PRKAA2: variants seen among roughly 807,000 people sequenced by gnomAD.
PRKAA2 encodes 5'-AMP-activated protein kinase catalytic subunit alpha-2.
In PRKAA2, 40 loss-of-function variants were observed where a neutral mutation model predicts 56.3. The observed-to-expected ratio is 0.71, with a 90% CI of 0.55 to 0.92. The LOEUF (loss-of-function observed/expected upper bound fraction) is 0.92, where lower values mean the gene tolerates loss of function less well. Ranked by LOEUF, PRKAA2 falls within the 40% of genes least tolerant of loss-of-function variation. The probability of loss-of-function intolerance (pLI) is 0.00; values close to 1 mark genes in which losing one functional copy is unlikely to be tolerated. For missense variants in PRKAA2, 542 were observed against 686.9 expected (o/e 0.79, Z 2.36); for synonymous variants, 214 against 234.2 (o/e 0.91, Z 0.79).
intron 1 of PRKAA2, among the ~76,000 whole-genome samples, chr1:56,650,606 A>G (rs913617813): frequency 6.6e-6 from 1 of 152,234 alleles, no homozygotes; most frequent in Non-Finnish European, 1.5e-5. Flanking sequence ...TGCATTTTCA[A>G]GATGAGTAGT....
At chr1:56,681,849 G>GAAA (rs1644157499) in intron 2 of PRKAA2, among the ~76,000 whole-genome samples, 1 of 151,896 alleles carries the variant, frequency 6.6e-6, no homozygotes, top group Non-Finnish European at 1.5e-5. Flanking sequence ...GCTCTTTTTT[G>GAAA]GTTCCATATG....
At chr1:56,707,417 G>A (rs903425798) in intron 8 of PRKAA2, 58 bp from the exon 9 acceptor site, 2 of 1,371,162 alleles carry the variant, frequency 1.5e-6, no homozygotes, top group African/African-American at 1.4e-5. Context: ...TAAATTCATA[G>A]GAAGGGCTTG....
rs943729307 is a variant in PRKAA2 at position 56,711,911 on chromosome 1, G to A, written c.*4198G>A. On this transcript the variant is annotated 3_prime_UTR_variant, in exon 9 of 9. Coordinates refer to ENST00000371244, the MANE Select transcript of PRKAA2 (RefSeq NM_006252.4). ...TTTTGATTTGGTGAGGCATGTCAGA[G>A]GTATATACTTGAATATTTTTCTAAA... 4.6e-5 allele frequency: 7 copies of A among 152,054 alleles called. No individual in the cohort carries two copies. The highest frequency in any genetic ancestry group is 1.7e-4 in the African/African-American group (7 of 41,408). 9.4% of individuals were successfully genotyped at this position (152,054 alleles called of 1,614,324 possible).
intron 6 of PRKAA2, 27 bp downstream of exon 6, chr1:56,696,186 G>T: frequency 6.4e-7 from 1 of 1,562,656 alleles, no homozygotes; most frequent in Non-Finnish European, 8.8e-7. Flanking sequence ...TTTCTGTTCT[G>T]CATATTTTCT....
At chr1:56,680,304 T>TC (rs1457895054) in intron 2 of PRKAA2, among the ~76,000 whole-genome samples, 1 of 152,160 alleles carries the variant, frequency 6.6e-6, no homozygotes, top group South Asian at 2.1e-4. Context: ...TATTGGTATT[T>TC]CCCACAAGAC....
chr1:56,656,470 G>T (rs574561817), intron 1 of PRKAA2, among the ~76,000 whole-genome samples: 1 of 152,256 alleles, frequency 6.6e-6, no homozygotes, highest in East Asian at 1.9e-4. Flanking sequence ...CATTTGGACT[G>T]GGAGGACTAC....
chr1:56,686,067 C>A (rs2100417934), intron 2 of PRKAA2, among the ~76,000 whole-genome samples: 1 of 152,252 alleles, frequency 6.6e-6, no homozygotes, highest in East Asian at 1.9e-4. Flanking sequence ...AAAACATATA[C>A]TTTTACAAAG....
At chr1:56,696,223 G>A in intron 6 of PRKAA2, 64 bp downstream of exon 6, 1 of 1,460,150 alleles carries the variant, frequency 6.8e-7, no homozygotes. Flanking sequence ...TTAATTAAAT[G>A]ATTCTCCCAA....
chr1:56,693,474 G>T (rs1644241233), intron 4 of PRKAA2, among the ~76,000 whole-genome samples: 1 of 152,042 alleles, frequency 6.6e-6, no homozygotes, highest in African/African-American at 2.4e-5. Flanking sequence ...TTTCATGTTT[G>T]GGAAAGTTAA....
chr1:56,667,167 G>A (rs1361403766), intron 1 of PRKAA2, among the ~76,000 whole-genome samples: 2 of 152,204 alleles, frequency 1.3e-5, no homozygotes, highest in East Asian at 3.9e-4. Context: ...AGATAGTGGA[G>A]CTGGCTGAGG....
intron 2 of PRKAA2, among the ~76,000 whole-genome samples, chr1:56,677,044 A>G (rs1271879519): frequency 6.6e-6 from 1 of 152,216 alleles, no homozygotes; most frequent in Non-Finnish European, 1.5e-5. Context: ...GAGTATGTAT[A>G]TAGAGGTTTT....
rs373615737 is a variant in PRKAA2, at chr1:56,711,586, A to G, written c.*3873A>G. The G allele has an allele frequency of 6.6e-6, 1 of 152,062 alleles. No homozygotes were observed. The highest frequency in any genetic ancestry group is 2.1e-4 in the South Asian group (1 of 4,830). 9.4% of individuals were successfully genotyped at this position (152,062 alleles called of 1,614,324 possible). A position where few individuals can be genotyped will look rare whatever the true frequency, so the allele number is the denominator to read the frequency against. Reference sequence around the variant, plus strand: ...AAGACCCAAACCTTTTCAATCTTGCATTTATTTACTTGGTTCTCCTGTGTC... The same window carrying G: ...AAGACCCAAACCTTTTCAATCTTGCGTTTATTTACTTGGTTCTCCTGTGTC... On this transcript the variant is annotated 3_prime_UTR_variant, in exon 9 of 9. Coordinates refer to ENST00000371244, the MANE Select transcript of PRKAA2 (RefSeq NM_006252.4).
intron 1 of PRKAA2, among the ~76,000 whole-genome samples, chr1:56,662,018 G>T (rs537606992): frequency 6.6e-5 from 10 of 152,126 alleles, no homozygotes; most frequent in African/African-American, 2.4e-4. Flanking sequence ...TTGTATGTGT[G>T]AAATCATTCT....
At chr1:56,655,410 C>T (rs889257661) in intron 1 of PRKAA2, among the ~76,000 whole-genome samples, 3 of 92,514 alleles carry the variant, frequency 3.2e-5, no homozygotes, top group African/African-American at 7.9e-5. Flanking sequence ...CCACCATGCC[C>T]AGCTTTTTTT....
intron 2 of PRKAA2, among the ~76,000 whole-genome samples, chr1:56,685,230 GTT>G (rs916077407): frequency 1.3e-4 from 20 of 152,272 alleles, no homozygotes; most frequent in African/African-American, 4.1e-4. Flanking sequence ...TAACATGTCT[GTT>G]TATATCACAG....
At chr1:56,706,002 C>T in intron 7 of PRKAA2, 90 bp from the exon 8 acceptor site, 1 of 1,122,494 alleles carries the variant, frequency 8.9e-7, no homozygotes, top group Non-Finnish European at 1.3e-6. Flanking sequence ...CCTTTCCTAC[C>T]TCACCCCTAT....
intron 2 of PRKAA2, among the ~76,000 whole-genome samples, chr1:56,678,774 C>T (rs1358977606): frequency 6.6e-6 from 1 of 151,088 alleles, no homozygotes; most frequent in Non-Finnish European, 1.5e-5. Flanking sequence ...CAGCTCACTG[C>T]AACCTCCGCC....
At chr1:56,664,042 G>T (rs1160791711) in intron 1 of PRKAA2, among the ~76,000 whole-genome samples, 1 of 152,120 alleles carries the variant, frequency 6.6e-6, no homozygotes, top group Non-Finnish European at 1.5e-5. Flanking sequence ...GGGTTGCAGG[G>T]AGCAGTGATT....
At position 56,645,426 on chromosome 1, in the gene PRKAA2, C is replaced by A; in HGVS notation, c.39C>A (p.Ile13=). 1 of 1,516,100 alleles carries A rather than the reference C, an allele frequency of 6.6e-7. No homozygotes were observed. The allele number at this position is 1,516,100 out of a possible 1,614,324, so 93.9% of individuals were successfully genotyped here. Residue 13 remains isoleucine, a synonymous_variant, in exon 1 of 9, where the codon ATC becomes ATA. Transcript: ENST00000371244. ...AGAAGCACGACGGGCGGGTGAAGATCGGACACTACGTGCTGGGCGACACGC... is the reference window on the plus strand; with the variant it reads ...AGAAGCACGACGGGCGGGTGAAGATAGGACACTACGTGCTGGGCGACACGC... ...EKQKHDGRVK[I]GHYVLGDTLG...
Sources: allele counts gnomAD v4.1 joint callset (sites outside exome capture counted in the v4.1 genomes callset), GRCh38; gene constraint gnomAD v4.1.1; transcripts MANE v1.5; gene names NCBI Gene and HGNC (gene_info 2026-07-23, HGNC 2026-07-21).